GALNT18: variants seen among roughly 807,000 people sequenced by gnomAD.
GALNT18 encodes the protein GalNAc-transferase 18.
Under a neutral mutation model 69.5 loss-of-function variants are expected in GALNT18, and 44 were observed. The observed-to-expected ratio is 0.63, with a 90% confidence interval of 0.50 to 0.81. GALNT18 has a LOEUF of 0.81. Among genes scored for constraint, GALNT18 ranks in the 40% least tolerant of loss-of-function variants. The pLI, the probability that GALNT18 is intolerant of heterozygous loss-of-function variation, is 0.00. For missense variants in GALNT18, 715 were observed against 810.0 expected, an observed-to-expected ratio of 0.88 and a Z score of 1.42; for synonymous variants, 364 against 318.2, an observed-to-expected ratio of 1.14 and a Z score of -1.53.
intron 1 of GALNT18, among the ~76,000 whole-genome samples, chr11:11,581,978 C>A (rs545500032): frequency 6.6e-6 from 1 of 151,936 alleles, no homozygotes; most frequent in African/African-American, 2.4e-5. Flanking sequence ...AGGATGTTTA[C>A]AGTTTACTGG....
chr11:11,531,008 G>A (rs1857634452), intron 1 of GALNT18, among the ~76,000 whole-genome samples: 1 of 152,228 alleles, frequency 6.6e-6, no homozygotes, highest in African/African-American at 2.4e-5. Flanking sequence ...GCCATGCCTT[G>A]CACCCCAGGC....
rs544368048 is a variant in GALNT18, at chr11:11,343,456, C to T, written c.1093-2452G>A. ...AAGGATCTGTCTGATCCCAAAGAAA[C>T]TCAACGAAGAGCCAACACTTCCCCC... On this transcript the variant is annotated intron_variant, in intron 6 of 10. Transcript: ENST00000227756. 1.6e-4 allele frequency among the ~76,000 whole-genome samples: 25 copies of T among 152,322 alleles called. No individual in the cohort carries two copies. In the South Asian group the frequency reaches 2.1e-3, roughly 13 times the overall value.
At chr11:11,280,555 T>C (rs938755528) in intron 10 of GALNT18, among the ~76,000 whole-genome samples, 19 of 152,176 alleles carry the variant, frequency 1.2e-4, no homozygotes, top group African/African-American at 4.3e-4. Context: ...ACACCTTCCC[T>C]TCCGGCAGGA....
chr11:11,352,667 T>C, intron 6 of GALNT18: 2 of 1,614,164 alleles, frequency 1.2e-6, no homozygotes, highest in Non-Finnish European at 1.7e-6. Flanking sequence ...TGTGCATAAT[T>C]CCCATGCTGT....
In GALNT18 at chr11:11,583,215, G is replaced by A. The variant is rs959273900; in HGVS notation, c.235+38144C>T. Among the ~76,000 whole-genome samples the A allele has an allele frequency of 8.5e-5, 13 of 152,174 alleles. No homozygotes were observed. The highest frequency in any genetic ancestry group is 3.1e-4 in the African/African-American group (13 of 41,434). On this transcript the variant is annotated intron_variant, in intron 1 of 10. Transcript: ENST00000227756. The surrounding 1 kb of genome is among the most constrained non-coding windows in gnomAD (Gnocchi z 4.7). ...TGAGTTATTGGTCAGGGAACACAAA[G>A]CCAATTCCACCCTGGTCTCCTATTT...
intron 1 of GALNT18, among the ~76,000 whole-genome samples, chr11:11,517,512 T>C (rs571830321): frequency 5.9e-5 from 9 of 152,316 alleles, no homozygotes; most frequent in African/African-American, 2.2e-4. Context: ...ATTTAATCAA[T>C]TGAAATGCAT....
At chr11:11,516,858 G>A (rs554941351) in intron 1 of GALNT18, among the ~76,000 whole-genome samples, 7 of 152,154 alleles carry the variant, frequency 4.6e-5, no homozygotes, top group Non-Finnish European at 7.4e-5. Context: ...CACGGCTGAC[G>A]CTAGCTGACT....
intron 9 of GALNT18, among the ~76,000 whole-genome samples, chr11:11,302,928 G>A (rs1184736355): frequency 6.6e-6 from 1 of 152,192 alleles, no homozygotes; most frequent in East Asian, 1.9e-4. Context: ...GCAAGGATGT[G>A]GTGACAATCC....
intron 4 of GALNT18, among the ~76,000 whole-genome samples, chr11:11,378,145 A>G (rs1994399): frequency 0.5 from 76,111 of 152,128 alleles, 19,738 homozygotes; most frequent in Non-Finnish European, 0.56. Flanking sequence ...GACTTCAACT[A>G]TAAAAAATGG....
intron 1 of GALNT18, among the ~76,000 whole-genome samples, chr11:11,554,720 C>T (rs889156706): frequency 2.6e-5 from 4 of 152,190 alleles, no homozygotes; most frequent in African/African-American, 9.7e-5. Context: ...TGCTATCTCA[C>T]CGGCTATGTT....
intron 9 of GALNT18, among the ~76,000 whole-genome samples, chr11:11,299,824 C>T (rs1045710958): frequency 2.0e-5 from 3 of 152,216 alleles, no homozygotes; most frequent in African/African-American, 7.2e-5. Flanking sequence ...TTTCAGTAAA[C>T]ACCCAGGATT....
At chr11:11,503,319 G>T (rs1364994621) in intron 1 of GALNT18, among the ~76,000 whole-genome samples, 1 of 152,174 alleles carries the variant, frequency 6.6e-6, no homozygotes, top group Non-Finnish European at 1.5e-5. Flanking sequence ...TTTCCTCAGG[G>T]TTAATGTGGG....
rs67821526 is a variant in GALNT18, at chr11:11,523,718, CAA to C, written c.236-74784_236-74783del. ...TGGGCAACAGAGCGAGACTCCATCTCAAAAAAAAAAAAAAATATCGTACACCC... is the reference window on the plus strand; with the variant it reads ...TGGGCAACAGAGCGAGACTCCATCTCAAAAAAAAAAAAATATCGTACACCC... On this transcript the variant is annotated intron_variant, in intron 1 of 10. Transcript: ENST00000227756. The surrounding 1 kb of genome is among the most constrained non-coding windows in gnomAD (Gnocchi z 4.3). Among the ~76,000 whole-genome samples the C allele has an allele frequency of 8.1e-6, 1 of 123,284 alleles. No homozygotes were observed. The allele number at this position is 123,284 out of a possible 152,430, so 80.9% of individuals were successfully genotyped here.
chr11:11,359,136 T>G (rs1206043820), intron 6 of GALNT18, among the ~76,000 whole-genome samples: 2 of 140,092 alleles, frequency 1.4e-5, no homozygotes, highest in African/African-American at 5.3e-5. Flanking sequence ...AAGACGAGGT[T>G]GCTTTACCCA....
Position 11,377,570 on chromosome 11 carries a change from T to G in GALNT18, c.780-191A>C, listed in dbSNP as rs1853797037. On this transcript the variant is annotated intron_variant, in intron 4 of 10. Transcript: ENST00000227756. The surrounding 1 kb of genome is among the most constrained non-coding windows in gnomAD (Gnocchi z 4.6). ...TCCCGCTCCCTGAGGATTGCCGGAA[T>G]GGCAAGAGGCTGCACCACTCCATTG... is the stretch of plus-strand genomic sequence containing the variant. Among the ~76,000 whole-genome samples, 1 of 151,644 alleles carries G rather than the reference T, an allele frequency of 6.6e-6. No homozygotes were observed.
At chr11:11,551,626 G>C (rs1258176866) in intron 1 of GALNT18, among the ~76,000 whole-genome samples, 1 of 152,190 alleles carries the variant, frequency 6.6e-6, no homozygotes, top group Middle Eastern at 3.2e-3. Context: ...AGCCAACTGG[G>C]AGAGCCACCA....
chr11:11,483,032 C>T (rs1856566744), intron 1 of GALNT18, among the ~76,000 whole-genome samples: 1 of 152,236 alleles, frequency 6.6e-6, no homozygotes, highest in African/African-American at 2.4e-5. Context: ...TCAGCCTTTG[C>T]TCAGATTCAC....
At chr11:11,350,669 A>G (rs1850384624) in intron 6 of GALNT18, among the ~76,000 whole-genome samples, 1 of 152,140 alleles carries the variant, frequency 6.6e-6, no homozygotes, top group Non-Finnish European at 1.5e-5. Flanking sequence ...GAGATGAGAG[A>G]GGACATGGCC....
intron 10 of GALNT18, among the ~76,000 whole-genome samples, chr11:11,274,752 CA>C (rs1848903859): frequency 6.6e-6 from 1 of 152,162 alleles, no homozygotes; most frequent in Admixed American, 6.5e-5. Context: ...TCCCTGTGTC[CA>C]TGTGTTCTCA....
Sources: gnomAD v4.1 joint callset for allele counts (sites outside exome capture counted in the v4.1 genomes callset) on GRCh38, gnomAD v4.1.1 for gene constraint, Gnocchi (gnomAD v3.1) non-coding constraint, MANE v1.5 for transcripts, NCBI Gene and HGNC (gene_info 2026-07-23, HGNC 2026-07-21) for gene names.